Variants in CTTNBP2 observed in about 807,000 individuals in gnomAD.
The protein encoded by CTTNBP2 is cortactin-binding protein 2.
CTTNBP2 carries 108 observed loss-of-function variants against 156.9 expected under a neutral mutation model. That is an observed-to-expected ratio of 0.69 (90% CI 0.59 to 0.81). CTTNBP2 has a LOEUF of 0.81. Among genes scored for constraint, CTTNBP2 ranks in the 30% least tolerant of loss-of-function variants. The pLI, the probability that CTTNBP2 is intolerant of heterozygous loss-of-function variation, is 0.00. For missense variants in CTTNBP2, 1,924 were observed against 2,035.4 expected, an observed-to-expected ratio of 0.95 and a Z score of 1.05; for synonymous variants, 767 against 751.8, an observed-to-expected ratio of 1.02 and a Z score of -0.33.
intron 6 of CTTNBP2, among the ~76,000 whole-genome samples, chr7:117,781,659 A>G (rs914158729): frequency 6.6e-6 from 1 of 152,178 alleles, no homozygotes; most frequent in Non-Finnish European, 1.5e-5. Flanking sequence ...TATCGCTTAG[A>G]CCCAGGAGGC....
In CTTNBP2 at chr7:117,711,651, G is replaced by A. The variant is rs763211761; in HGVS notation, c.4878C>T (p.Asn1626=). ...PRSKVTQCSQ[N]TKRSSSSSNT... ...TACTGCTGCTGCTGCTTCTTTTGGT[G>A]TTCTGGGAACACTGGGTGACTTTAC... The change falls in exon 23 of 23, where the codon AAC becomes AAT. Residue 1626 remains asparagine (N), a synonymous_variant. Transcript: ENST00000160373. The A allele has an allele frequency of 3.6e-5, 58 of 1,613,880 alleles. No individual in the cohort carries two copies. The Admixed American group carries it at 6.0e-4, about 17-fold the overall frequency.
intron 2 of CTTNBP2, among the ~76,000 whole-genome samples, chr7:117,831,861 C>A (rs1801631871): frequency 6.6e-6 from 1 of 152,108 alleles, no homozygotes; most frequent in Admixed American, 6.5e-5. Context: ...TATTCTCTTT[C>A]TTAAAGGAAA....
intron 22 of CTTNBP2, among the ~76,000 whole-genome samples, chr7:117,713,262 T>A (rs1012986714): frequency 3.9e-5 from 6 of 152,196 alleles, no homozygotes; most frequent in African/African-American, 1.4e-4. Context: ...AGTCACACAT[T>A]GATAATCTTT....
Position 117,711,350 on chromosome 7 carries a change from A to G in CTTNBP2, c.*187T>C. ...TATTGAAGTTCAATCCTACAGAATT[A>G]AAAAAAAAAGCAACAAAATGTTGGT... is the stretch of plus-strand genomic sequence containing the variant. On this transcript the variant is annotated 3_prime_UTR_variant, in exon 23 of 23. Coordinates refer to ENST00000160373, the MANE Select transcript of CTTNBP2 (RefSeq NM_033427.3). 1 of 377,142 alleles carries G rather than the reference A, an allele frequency of 2.7e-6. No individual in the cohort carries two copies. Among genetic ancestry groups the G allele is most frequent in the Non-Finnish European group, 4.5e-6 (1 of 220,950 alleles). The allele number at this position is 377,142 out of a possible 1,614,324, so 23.4% of individuals were successfully genotyped here. A position where few individuals can be genotyped will look rare whatever the true frequency, so the allele number is the denominator to read the frequency against.
intron 2 of CTTNBP2, among the ~76,000 whole-genome samples, chr7:117,820,919 G>C (rs990320769): frequency 1.3e-5 from 2 of 151,956 alleles, no homozygotes; most frequent in Non-Finnish European, 2.9e-5. Context: ...TATTCTCTCA[G>C]CAATTTTCAT....
intron 4 of CTTNBP2, among the ~76,000 whole-genome samples, chr7:117,784,690 T>C (rs1336797666): frequency 6.6e-6 from 1 of 152,224 alleles, no homozygotes; most frequent in African/African-American, 2.4e-5. Flanking sequence ...TTATTTTTAG[T>C]CATGAGTCTT....
Position 117,799,107 on chromosome 7 carries a change from A to G in CTTNBP2, c.415-6326T>C, listed in dbSNP as rs182220583. ...ACTGATGTTCTAGAAAACATTAAAG[A>G]AAAAAAAAATGATGCCAAACTTACA... On this transcript the variant is annotated intron_variant, in intron 3 of 22. Coordinates refer to ENST00000160373, the MANE Select transcript of CTTNBP2 (RefSeq NM_033427.3). Among the ~76,000 whole-genome samples, 5 of 143,124 alleles carry G rather than the reference A, an allele frequency of 3.5e-5. No homozygotes were observed. The East Asian group carries it at 9.9e-4, about 28-fold the overall frequency. The allele number at this position is 143,124 out of a possible 152,430, so 93.9% of individuals were successfully genotyped here.
chr7:117,859,776 C>T (rs1482955563), intron 2 of CTTNBP2, among the ~76,000 whole-genome samples: 1 of 152,228 alleles, frequency 6.6e-6, no homozygotes, highest in Non-Finnish European at 1.5e-5. Context: ...CAAAAGGCAA[C>T]ACCTTCAACT....
chr7:117,846,779 T>C (rs956805978), intron 2 of CTTNBP2, among the ~76,000 whole-genome samples: 1 of 152,138 alleles, frequency 6.6e-6, no homozygotes, highest in South Asian at 2.1e-4. Flanking sequence ...CTTCATTCCT[T>C]AGTTAAATGT....
At chr7:117,717,269 C>T (rs1794456770) in intron 22 of CTTNBP2, among the ~76,000 whole-genome samples, 1 of 151,812 alleles carries the variant, frequency 6.6e-6, no homozygotes, top group African/African-American at 2.4e-5. Context: ...TTTTTAAAGT[C>T]TCATTGAAAT....
In CTTNBP2 at chr7:117,711,719, A is replaced by G. The variant is rs907409761; in HGVS notation, c.4810T>C (p.Leu1604=). The G allele has an allele frequency of 1.2e-5, 19 of 1,613,902 alleles. No homozygotes were observed. Among genetic ancestry groups the G allele is most frequent in the African/African-American group, 2.7e-5 (2 of 74,886 alleles). ...ECSNSKSKTE[L]GVSRVKSFLP... is the part of the protein sequence containing the mutation. ...AAAGATTTAACTCTTGAAACACCCAACTCAGTCTTTGATTTACTGTTGCTG... is the reference window on the plus strand; with the variant it reads ...AAAGATTTAACTCTTGAAACACCCAGCTCAGTCTTTGATTTACTGTTGCTG... The change falls in exon 23 of 23, where the codon TTG becomes CTG. Residue 1604 remains leucine, a synonymous_variant. Transcript: ENST00000160373.
At chr7:117,758,031 G>C in intron 10 of CTTNBP2, 61 bp from the exon 11 acceptor site, 1 of 1,214,118 alleles carries the variant, frequency 8.2e-7, no homozygotes, top group South Asian at 1.3e-5. Context: ...TTCTCACAAG[G>C]GTAAACATAT....
chr7:117,799,328 T>C (rs745591313), intron 3 of CTTNBP2, among the ~76,000 whole-genome samples: 20 of 152,010 alleles, frequency 1.3e-4, no homozygotes, highest in Non-Finnish European at 2.4e-4. Context: ...ATGTGAGATT[T>C]ACCTTAGGGG....
chr7:117,727,994 G>A lies in CTTNBP2; in HGVS notation c.4055+95C>T, dbSNP rs1584904988. 3.4e-5 allele frequency: 37 copies of A among 1,093,602 alleles called. No homozygotes were observed. In the East Asian group the frequency reaches 5.6e-4, roughly 17 times the overall value. The allele number at this position is 1,093,602 out of a possible 1,614,324, so 67.7% of individuals were successfully genotyped here. A position where few individuals can be genotyped will look rare whatever the true frequency, so the allele number is the denominator to read the frequency against. ...GCACTCCGTGTCAGTGACAGGAGGT[G>A]GCACAAGGCAGCCTGGTCAGCATTC... On this transcript the variant is annotated intron_variant, in intron 17 of 22. Coordinates refer to ENST00000160373, the MANE Select transcript of CTTNBP2 (RefSeq NM_033427.3).
chr7:117,822,378 G>T (rs1013470114), intron 2 of CTTNBP2, among the ~76,000 whole-genome samples: 3 of 150,936 alleles, frequency 2.0e-5, no homozygotes, highest in Non-Finnish European at 2.9e-5. Context: ...GCATTTCATT[G>T]ACTGCTTCTT....
chr7:117,840,114 G>A (rs1486252061), intron 2 of CTTNBP2, among the ~76,000 whole-genome samples: 2 of 152,080 alleles, frequency 1.3e-5, no homozygotes, highest in East Asian at 1.9e-4. Context: ...TATTTTAAAG[G>A]TTTTTGAAGG....
In CTTNBP2 at chr7:117,756,628, T is replaced by C; in HGVS notation, c.3275A>G (p.Gln1092Arg). 1.2e-6 allele frequency: 2 copies of C among 1,611,562 alleles called. No homozygotes were observed. Among genetic ancestry groups the C allele is most frequent in the South Asian group, 1.1e-5 (1 of 91,038 alleles). The change falls in exon 12 of 23, where the codon CAA (glutamine) becomes CGA (arginine). Residue 1092 changes from glutamine (Q) to arginine (R), a missense_variant. Physicochemically the swap from Gln to Arg is conservative, Grantham distance 43. Transcript: ENST00000160373. The stretch of plus-strand genomic sequence containing the variant: ...AGTCACACTACTGAGACAGCCTTCT[T>C]GAGGACCTGTAGGAAAGGACAGACG... The part of the protein sequence containing the change: ...EHITVLLSGP[Q>R]EGCLSSVTYA...
intron 9 of CTTNBP2, among the ~76,000 whole-genome samples, chr7:117,760,975 C>A (rs891911645): frequency 1.3e-5 from 2 of 152,068 alleles, no homozygotes; most frequent in African/African-American, 4.8e-5. Context: ...TCTTTCCCAT[C>A]AGCAAGATTG....
chr7:117,802,420 C>T (rs542828059), intron 3 of CTTNBP2, among the ~76,000 whole-genome samples: 1 of 134,688 alleles, frequency 7.4e-6, no homozygotes, highest in Non-Finnish European at 1.6e-5. Context: ...AAATACCATT[C>T]TAGACTTCAG....
Sources: allele counts gnomAD v4.1 joint callset (sites outside exome capture counted in the v4.1 genomes callset), GRCh38; gene constraint gnomAD v4.1.1; transcripts MANE v1.5; gene names NCBI Gene and HGNC (gene_info 2026-07-23, HGNC 2026-07-21).